LRRIQ1: variants seen among roughly 807,000 people sequenced by gnomAD.
LRRIQ1 encodes the protein leucine rich repeats and IQ motif containing 1.
A neutral mutation model predicts 211.9 loss-of-function variants in LRRIQ1; 210 were observed. That is an observed-to-expected ratio of 0.99 (90% CI 0.89 to 1.11). The LOEUF is 1.11. Among genes scored for constraint, LRRIQ1 ranks in the 50% most tolerant of loss-of-function variants. LRRIQ1 has a pLI of 0.00. For missense variants in LRRIQ1, 2,136 were observed against 1,939.5 expected, an observed-to-expected ratio of 1.10 and a Z score of -1.90; for synonymous variants, 699 against 650.1, an observed-to-expected ratio of 1.08 and a Z score of -1.14.
intron 1 of LRRIQ1, among the ~76,000 whole-genome samples, chr12:85,261,028 G>A (rs1422195072): frequency 2.0e-5 from 3 of 152,156 alleles, no homozygotes; most frequent in Non-Finnish European, 4.4e-5. Context: ...TGGCTAACAC[G>A]TGGAAGTCAA....
chr12:85,212,793 GAGAGAGAA>G (rs1455211010), intron 24 of LRRIQ1, among the ~76,000 whole-genome samples: 5 of 149,470 alleles, frequency 3.3e-5, no homozygotes, highest in African/African-American at 9.8e-5. Context: ...TATATAGAGA[GAGAGAGAA>G]AGAGAGAGAG....
intron 18 of LRRIQ1, among the ~76,000 whole-genome samples, chr12:85,129,246 C>T (rs756075262): frequency 2.8e-4 from 42 of 152,044 alleles, no homozygotes; most frequent in Admixed American, 5.9e-4. Flanking sequence ...GTTCTAGGCT[C>T]GGGAAATAAA....
chr12:85,142,585 T>A (rs964544029), intron 19 of LRRIQ1, among the ~76,000 whole-genome samples: 1 of 151,482 alleles, frequency 6.6e-6, no homozygotes, highest in Admixed American at 6.6e-5. Flanking sequence ...TGAAATTTTG[T>A]ATGCTGTGAC....
At chr12:85,221,198 T>A in intron 24 of LRRIQ1, among the ~76,000 whole-genome samples, 1 of 152,282 alleles carries the variant, frequency 6.6e-6, no homozygotes, top group South Asian at 2.1e-4. Context: ...TCTATTATAA[T>A]AATTAAATTA....
intron 4 of LRRIQ1, 25 bp from the exon 5 acceptor site, chr12:85,045,995 C>A (rs1276242171): frequency 7.7e-7 from 1 of 1,300,628 alleles, no homozygotes; most frequent in Non-Finnish European, 1.1e-6. Flanking sequence ...TTTCTTTAAT[C>A]ATTGGTACTC....
intron 24 of LRRIQ1, among the ~76,000 whole-genome samples, chr12:85,192,662 TATATAGTTATATACTATAATTATATATAA>T (rs1328781261): frequency 0.024 from 2,134 of 88,094 alleles, 436 homozygotes; most frequent in African/African-American, 0.096. Context: ...TAATTATAAA[TATATAGTTATATACTATAATTATATATAA>T]ATATATAGTT....
downstream of LRRIQ1, among the ~76,000 whole-genome samples, chr12:85,266,093 A>C (rs968133606): frequency 6.6e-6 from 1 of 152,028 alleles, no homozygotes; most frequent in East Asian, 1.9e-4. Flanking sequence ...TCCTGTACTT[A>C]TTTGTTTTTA....
chr12:85,114,479 G>A (rs1258458592), intron 15 of LRRIQ1, among the ~76,000 whole-genome samples: 2 of 151,992 alleles, frequency 1.3e-5, no homozygotes, highest in Non-Finnish European at 2.9e-5. Context: ...ATCTTTCAAT[G>A]TATTTTTTAT....
chr12:85,086,759 G>C (rs1450607443), intron 11 of LRRIQ1, among the ~76,000 whole-genome samples: 1 of 151,888 alleles, frequency 6.6e-6, no homozygotes, highest in African/African-American at 2.4e-5. Flanking sequence ...TCAACAACTA[G>C]AAAGTGACAG....
chr12:85,264,487 G>T (rs1404156471), downstream of LRRIQ1: 4 of 151,992 alleles, frequency 2.6e-5, no homozygotes, highest in South Asian at 8.3e-4. Flanking sequence ...TTTTTTTATA[G>T]TGCTGTTTAT....
At chr12:85,037,656 A>T (rs1878314612) in intron 1 of LRRIQ1, among the ~76,000 whole-genome samples, 1 of 152,086 alleles carries the variant, frequency 6.6e-6, no homozygotes, top group South Asian at 2.1e-4. Flanking sequence ...AGAAAAGAAC[A>T]AGAAGACAGG....
At position 85,055,889 on chromosome 12, in the gene LRRIQ1, GA is replaced by G. The variant is rs755230729; in HGVS notation, c.1103del (p.Lys368ArgfsTer4). 4.4e-6 allele frequency: 7 copies of G among 1,583,010 alleles called. No individual in the cohort carries two copies. The highest frequency in any genetic ancestry group is 1.8e-5 in the Admixed American group (1 of 54,456). ...ERKRREKEYEEKKNIVKQERE... is the reference protein window; with the variant it reads ...ERKRREKEYEXKKNIVKQERE... ...GAAAAGGAGAGAAAAAGAATATGAA[GA>G]AAAAAAGAATATTGTGAAACAGGAA... On this transcript the variant is annotated frameshift_variant, in exon 8 of 27. Transcript: ENST00000393217. LOFTEE classifies it high-confidence loss of function.
intron 15 of LRRIQ1, among the ~76,000 whole-genome samples, chr12:85,121,123 A>G (rs7966101): frequency 0.015 from 2,229 of 152,140 alleles, 50 homozygotes; most frequent in African/African-American, 0.049. Context: ...GCGCACCACC[A>G]AAAATTGATA....
intron 11 of LRRIQ1, among the ~76,000 whole-genome samples, chr12:85,079,316 G>A (rs566537288): frequency 6.8e-6 from 1 of 147,534 alleles, no homozygotes; most frequent in South Asian, 2.2e-4. Context: ...CCGCCTCCCG[G>A]GTTCAAGCAA....
intron 1 of LRRIQ1, among the ~76,000 whole-genome samples, chr12:85,251,539 G>C (rs1895943540): frequency 6.6e-6 from 1 of 151,886 alleles, no homozygotes; most frequent in African/African-American, 2.4e-5. Flanking sequence ...CTCTTTCCTA[G>C]CTTGAGGACT....
chr12:85,128,649 C>G (rs576463026), intron 18 of LRRIQ1, among the ~76,000 whole-genome samples: 29 of 152,196 alleles, frequency 1.9e-4, no homozygotes, highest in African/African-American at 6.5e-4. Flanking sequence ...GTCACATCTG[C>G]TAACATTTGA....
At chr12:85,211,297 A>G (rs1240503496) in intron 24 of LRRIQ1, among the ~76,000 whole-genome samples, 3 of 152,172 alleles carry the variant, frequency 2.0e-5, no homozygotes, top group African/African-American at 4.8e-5. Flanking sequence ...AAGCATATGT[A>G]TATTTTTCCC....
chr12:85,251,765 C>T (rs1256533425), intron 1 of LRRIQ1, among the ~76,000 whole-genome samples: 2 of 137,164 alleles, frequency 1.5e-5, no homozygotes, highest in Non-Finnish European at 1.5e-5. Flanking sequence ...TTTGGACTCA[C>T]GAGAAGTGGC....
chr12:85,122,275 A>G (rs1352515201), intron 16 of LRRIQ1, among the ~76,000 whole-genome samples: 2 of 152,178 alleles, frequency 1.3e-5, no homozygotes, highest in Admixed American at 6.5e-5. Context: ...GGTAAGTTTT[A>G]TAACACATGT....
Sources: allele counts gnomAD v4.1 joint callset (sites outside exome capture counted in the v4.1 genomes callset), GRCh38; gene constraint gnomAD v4.1.1; transcripts MANE v1.5; gene names NCBI Gene and HGNC (gene_info 2026-07-23, HGNC 2026-07-21).